DNER: variants seen among roughly 807,000 people sequenced by gnomAD.
DNER encodes delta and Notch-like epidermal growth factor-related receptor.
In DNER, 33 loss-of-function variants were observed where a neutral mutation model predicts 78.2. The observed-to-expected ratio is 0.42, with a 90% CI of 0.32 to 0.56. The LOEUF is 0.56. Among genes scored for constraint, DNER ranks in the 20% least tolerant of loss-of-function variants. DNER has a pLI of 0.11. For missense variants in DNER, 918 were observed against 975.3 expected (o/e 0.94, Z 0.78); for synonymous variants, 417 against 384.8 (o/e 1.08, Z -0.98).
At chr2:229,579,763 G>C (rs909448457) in intron 4 of DNER, among the ~76,000 whole-genome samples, 1 of 151,660 alleles carries the variant, frequency 6.6e-6, no homozygotes, top group East Asian at 1.9e-4. Flanking sequence ...AGTTGGCTGG[G>C]TATTGAGAAT....
intron 8 of DNER, among the ~76,000 whole-genome samples, chr2:229,437,851 A>G (rs575806345): frequency 6.6e-6 from 1 of 152,344 alleles, no homozygotes; most frequent in South Asian, 2.1e-4. Flanking sequence ...ACATATAATC[A>G]TCAATGCAGG....
chr2:229,541,483 T>C (rs1303556131), intron 5 of DNER, among the ~76,000 whole-genome samples: 1 of 152,172 alleles, frequency 6.6e-6, no homozygotes, highest in African/African-American at 2.4e-5. Flanking sequence ...AGTGTTCCAT[T>C]ATTGGAACGC....
intron 7 of DNER, among the ~76,000 whole-genome samples, chr2:229,451,823 G>A (rs563038068): frequency 6.6e-6 from 1 of 152,254 alleles, no homozygotes; most frequent in African/African-American, 2.4e-5. Flanking sequence ...AAGAATAGAG[G>A]ATTTACTGAT....
rs548607723 is a variant in DNER at position 229,477,913 on chromosome 2, C to T, written c.1148-660G>A. ...TGTTGGATTGTAACATAACTACGCA[C>T]ATGTGGTGAGGAAATAAGGATGTAA... On this transcript the variant is annotated intron_variant, in intron 6 of 12. Transcript: ENST00000341772. Among the ~76,000 whole-genome samples, 46 of 152,252 alleles carry T rather than the reference C, an allele frequency of 3.0e-4. No individual in the cohort carries two copies. The East Asian group carries it at 8.1e-3, about 27-fold the overall frequency.
At chr2:229,691,463 A>C (rs1257348101) in intron 1 of DNER, among the ~76,000 whole-genome samples, 1 of 152,072 alleles carries the variant, frequency 6.6e-6, no homozygotes, top group Non-Finnish European at 1.5e-5. Context: ...GAGATTTATC[A>C]GAGCTTCCCG....
chr2:229,500,688 A>G (rs981554050), intron 6 of DNER, among the ~76,000 whole-genome samples: 5 of 152,228 alleles, frequency 3.3e-5, no homozygotes, highest in African/African-American at 7.2e-5. Flanking sequence ...TATACACAAT[A>G]GAATACTATT....
At position 229,383,358 on chromosome 2, in the gene DNER, C is replaced by T. The variant is rs372038180; in HGVS notation, c.1855+4907G>A. ...ACTATGAAAAAACTGTATCAACTAA[C>T]GGGCAAAATAACCAGCTAGCATCAT... On this transcript the variant is annotated intron_variant, in intron 11 of 12. Transcript: ENST00000341772. 5.8e-4 allele frequency among the ~76,000 whole-genome samples: 89 copies of T among 152,256 alleles called. No homozygotes were observed. In the South Asian group the frequency reaches 0.01, roughly 17 times the overall value.
chr2:229,498,159 A>C (rs1461084937), intron 6 of DNER, among the ~76,000 whole-genome samples: 1 of 152,224 alleles, frequency 6.6e-6, no homozygotes, highest in Non-Finnish European at 1.5e-5. Flanking sequence ...TTACTTTAAA[A>C]GAATGAAGGG....
intron 8 of DNER, among the ~76,000 whole-genome samples, chr2:229,430,415 G>A (rs1463445757): frequency 6.6e-6 from 1 of 152,108 alleles, no homozygotes; most frequent in Non-Finnish European, 1.5e-5. Flanking sequence ...TTGAGTCAGT[G>A]GGCTGGGAAA....
intron 7 of DNER, among the ~76,000 whole-genome samples, chr2:229,457,064 G>T (rs1382196386): frequency 2.6e-5 from 4 of 152,026 alleles, no homozygotes; most frequent in Non-Finnish European, 4.4e-5. Context: ...TCTAGTTTCA[G>T]GGAAAATAAC....
intron 8 of DNER, among the ~76,000 whole-genome samples, chr2:229,431,635 A>C (rs184101469): frequency 1.6e-3 from 196 of 124,140 alleles, no homozygotes; most frequent in African/African-American, 5.6e-3. Flanking sequence ...GACTAAAAAG[A>C]TAAGTGTGGG....
At chr2:229,411,445 T>C (rs1693516441) in intron 9 of DNER, among the ~76,000 whole-genome samples, 1 of 151,988 alleles carries the variant, frequency 6.6e-6, no homozygotes, top group African/African-American at 2.4e-5. Context: ...TAATCCCAGC[T>C]ACTCAGGAGG....
At chr2:229,433,382 GCA>G (rs1386371098) in intron 8 of DNER, among the ~76,000 whole-genome samples, 15 of 152,170 alleles carry the variant, frequency 9.9e-5, no homozygotes, top group Admixed American at 5.2e-4. Flanking sequence ...CCAGCCATCG[GCA>G]CATGGACTAA....
At position 229,444,698 on chromosome 2, in the gene DNER, G is replaced by A. The variant is rs1694304450; in HGVS notation, c.1486+2618C>T. Among the ~76,000 whole-genome samples the A allele has an allele frequency of 2.6e-5, 4 of 152,214 alleles. No homozygotes were observed. The South Asian group carries it at 8.3e-4, about 32-fold the overall frequency. ...GAGGTCAGGAGTTCAAGACCGGCCTGGACAACATGGTGCAACCCTGTCTCT... is the reference window on the plus strand; with the variant it reads ...GAGGTCAGGAGTTCAAGACCGGCCTAGACAACATGGTGCAACCCTGTCTCT... On this transcript the variant is annotated intron_variant, in intron 8 of 12. Coordinates refer to ENST00000341772, the MANE Select transcript of DNER (RefSeq NM_139072.4).
At chr2:229,639,674 T>C (rs1698584153) in intron 1 of DNER, among the ~76,000 whole-genome samples, 1 of 152,182 alleles carries the variant, frequency 6.6e-6, no homozygotes, top group African/African-American at 2.4e-5. Context: ...GGTTTATATT[T>C]GCATCTGGAA....
At chr2:229,638,500 C>T (rs1161552210) in intron 1 of DNER, among the ~76,000 whole-genome samples, 3 of 152,124 alleles carry the variant, frequency 2.0e-5, no homozygotes, top group South Asian at 4.1e-4. Context: ...ACTGAATACC[C>T]GTATGAAAAA....
At chr2:229,695,438 C>T (rs1699647886) in intron 1 of DNER, among the ~76,000 whole-genome samples, 1 of 152,146 alleles carries the variant, frequency 6.6e-6, no homozygotes, top group South Asian at 2.1e-4. Context: ...CCCACCCATG[C>T]CTCCCCCACA....
At chr2:229,444,559 C>T (rs1456987717) in intron 8 of DNER, among the ~76,000 whole-genome samples, 1 of 152,136 alleles carries the variant, frequency 6.6e-6, no homozygotes, top group Non-Finnish European at 1.5e-5. Flanking sequence ...TCTCTAACTC[C>T]CTTCAATTTT....
chr2:229,685,684 A>T (rs1425274865), intron 1 of DNER, among the ~76,000 whole-genome samples: 1 of 152,170 alleles, frequency 6.6e-6, no homozygotes, highest in Non-Finnish European at 1.5e-5. Flanking sequence ...CATGTTCCTC[A>T]TTCCTTCATT....
Sources: gnomAD v4.1 joint callset for allele counts (sites outside exome capture counted in the v4.1 genomes callset) on GRCh38, gnomAD v4.1.1 for gene constraint, MANE v1.5 for transcripts, NCBI Gene and HGNC (gene_info 2026-07-23, HGNC 2026-07-21) for gene names.